The following OCIAD1 variants were observed in gnomAD, a reference collection of about 807,000 sequenced individuals.
OCIAD1 encodes OCIA domain containing 1, also known as OCIA domain-containing protein 1.
In OCIAD1, 29 loss-of-function variants were observed where a neutral mutation model predicts 38.9. The ratio of observed to expected loss-of-function variants is 0.74; its 90% confidence interval spans 0.55 to 1.02. The LOEUF (loss-of-function observed/expected upper bound fraction) is 1.02, where lower values mean the gene tolerates loss of function less well. Ranked by LOEUF, OCIAD1 falls within the 50% of genes least tolerant of loss-of-function variation. The pLI is 0.00. For synonymous variants in OCIAD1, 110 were observed against 92.0 expected (o/e 1.20, Z -1.12); for missense variants, 288 against 289.6 (o/e 0.99, Z 0.04).
intron 7 of OCIAD1, among the ~76,000 whole-genome samples, chr4:48,853,844 A>G (rs2109605336): frequency 6.6e-6 from 1 of 152,328 alleles, no homozygotes; most frequent in South Asian, 2.1e-4. Context: ...AGGGGTGAGT[A>G]TTAGCCTTGT....
chr4:48,842,782 A>C (rs575541609), intron 4 of OCIAD1, 93 bp downstream of exon 4: 2 of 672,152 alleles, frequency 3.0e-6, no homozygotes, highest in Non-Finnish European at 5.0e-6. Flanking sequence ...AAAGATAACA[A>C]TGTATCATAT....
At position 48,834,312 on chromosome 4, in the gene OCIAD1, C is replaced by T. The variant is rs577052919; in HGVS notation, c.139+831C>T. Among the ~76,000 whole-genome samples the T allele has an allele frequency of 5.9e-5, 9 of 152,294 alleles. No individual in the cohort carries two copies. The South Asian group carries it at 8.3e-4, about 14-fold the overall frequency. On this transcript the variant is annotated intron_variant, in intron 3 of 8. Coordinates refer to ENST00000264312, the MANE Select transcript of OCIAD1 (RefSeq NM_017830.4). ...TCAGCCTCCTGAGTAGCTGGGATTA[C>T]AGGCATGTGCAACCATGCCCAGCAA...
chr4:48,847,724 C>T (rs746064725), intron 4 of OCIAD1, among the ~76,000 whole-genome samples: 2 of 151,890 alleles, frequency 1.3e-5, no homozygotes, highest in Non-Finnish European at 1.5e-5. Context: ...TAGTTTTGGT[C>T]AGTTTGCCTA....
intron 6 of OCIAD1, 106 bp downstream of exon 6, chr4:48,850,188 C>T: frequency 8.5e-7 from 1 of 1,177,988 alleles, no homozygotes; most frequent in Non-Finnish European, 1.2e-6. Flanking sequence ...CCACTGGATA[C>T]TTGCCATTTG....
chr4:48,842,203 G>A (rs1469899035), intron 3 of OCIAD1, among the ~76,000 whole-genome samples: 2 of 152,178 alleles, frequency 1.3e-5, no homozygotes, highest in African/African-American at 4.8e-5. Flanking sequence ...ATGAGATAAT[G>A]CACATAAGGC....
chr4:48,818,040 G>C (rs1777158086), intron 1 of OCIAD1, among the ~76,000 whole-genome samples: 1 of 152,176 alleles, frequency 6.6e-6, no homozygotes, highest in Non-Finnish European at 1.5e-5. Context: ...CCTGACAAAA[G>C]GGATTCTCCC....
Position 48,807,916 on chromosome 4 carries a change from T to A in OCIAD1, c.-103+2586T>A, listed in dbSNP as rs143171295. 2.0e-3 allele frequency among the ~76,000 whole-genome samples: 309 copies of A among 152,340 alleles called. 1 individual carries two copies. Among genetic ancestry groups the A allele is most frequent in the African/African-American group, 6.7e-3 (280 of 41,572 alleles). ...GATGTCTCTAGACCGGATGTTTTCC[T>A]GAGCCCCAGATCGGCACTGTCACTT... On this transcript the variant is annotated intron_variant, in intron 1 of 6. Transcript: ENST00000504654.
chr4:48,816,903 G>A (rs1236070463), intron 1 of OCIAD1, among the ~76,000 whole-genome samples: 2 of 152,164 alleles, frequency 1.3e-5, no homozygotes, highest in African/African-American at 4.8e-5. Context: ...CTGGGAGGTG[G>A]AGGTTGCAGT....
chr4:48,821,492 AG>A (rs549225624), intron 1 of OCIAD1, among the ~76,000 whole-genome samples: 93 of 152,108 alleles, frequency 6.1e-4, no homozygotes, highest in African/African-American at 2.2e-3. Flanking sequence ...AACCAGCACA[AG>A]GGTGTCCTCT....
chr4:48,831,431 G>GGT, intron 1 of OCIAD1, 182 bp downstream of exon 1: 1 of 1,190,794 alleles, frequency 8.4e-7, no homozygotes, highest in African/African-American at 1.6e-5. Context: ...TGCTTCTGGG[G>GGT]GTGTGAGCTG....
At chr4:48,858,612 C>G (rs1290542653) in intron 8 of OCIAD1, among the ~76,000 whole-genome samples, 2 of 152,084 alleles carry the variant, frequency 1.3e-5, no homozygotes, top group African/African-American at 4.8e-5. Context: ...TGCCACCATC[C>G]CTGGCTGTTA....
At chr4:48,828,823 C>A (rs935949450), upstream of OCIAD1, among the ~76,000 whole-genome samples, 1 of 152,202 alleles carries the variant, frequency 6.6e-6, no homozygotes, top group African/African-American at 2.4e-5. Flanking sequence ...CCGTGAGGGT[C>A]CGCAGCTTCA....
rs562746103 is a variant in OCIAD1 at position 48,843,216 on chromosome 4, A to G, written c.193+527A>G. Among the ~76,000 whole-genome samples, 20 of 152,292 alleles carry G rather than the reference A, an allele frequency of 1.3e-4. 1 individual carries two copies. Among genetic ancestry groups the G allele is most frequent in the African/African-American group, 4.6e-4 (19 of 41,546 alleles). ...GCCACCGAGGAGACTTTCTTGTCCT[A>G]AAGTCTATTGGCTCAAATAGTACAG... On this transcript the variant is annotated intron_variant, in intron 4 of 8. Coordinates refer to ENST00000264312, the MANE Select transcript of OCIAD1 (RefSeq NM_017830.4).
chr4:48,842,090 C>T (rs1235589666), intron 3 of OCIAD1, among the ~76,000 whole-genome samples: 2 of 152,104 alleles, frequency 1.3e-5, no homozygotes, highest in Admixed American at 1.3e-4. Flanking sequence ...GTTGTTTGGC[C>T]TTGAGCAAAT....
chr4:48,844,081 G>A (rs577272258), intron 4 of OCIAD1, among the ~76,000 whole-genome samples: 15 of 152,214 alleles, frequency 9.9e-5, no homozygotes, highest in African/African-American at 3.1e-4. Flanking sequence ...TGAAAGAAGT[G>A]GGTTTTGAAG....
At chr4:48,819,916 C>A (rs532563021) in intron 1 of OCIAD1, among the ~76,000 whole-genome samples, 2 of 152,052 alleles carry the variant, frequency 1.3e-5, no homozygotes, top group East Asian at 3.9e-4. Flanking sequence ...TCTTAGAGAC[C>A]TACAAAGAGA....
At chr4:48,858,882 T>A (rs1393951781) in intron 8 of OCIAD1, among the ~76,000 whole-genome samples, 2 of 152,240 alleles carry the variant, frequency 1.3e-5, no homozygotes, top group East Asian at 3.8e-4. Flanking sequence ...CAAAGTAAAT[T>A]TTTTGATACA....
intron 1 of OCIAD1, among the ~76,000 whole-genome samples, chr4:48,815,088 C>T (rs887331188): frequency 2.0e-5 from 3 of 152,084 alleles, no homozygotes; most frequent in Non-Finnish European, 2.9e-5. Flanking sequence ...CTGAGGTGGG[C>T]AGATCATGAG....
chr4:48,816,393 C>A (rs1004134360), intron 1 of OCIAD1, among the ~76,000 whole-genome samples: 12 of 152,100 alleles, frequency 7.9e-5, no homozygotes, highest in Non-Finnish European at 1.2e-4. Flanking sequence ...ATTAGCTGGG[C>A]ATGGTGGCAC....
Sources: gnomAD v4.1 joint callset for allele counts (sites outside exome capture counted in the v4.1 genomes callset) on GRCh38, gnomAD v4.1.1 for gene constraint, MANE v1.5 for transcripts, NCBI Gene and HGNC (gene_info 2026-07-23, HGNC 2026-07-21) for gene names.